Variants in ADGRV1 observed in about 807,000 individuals in gnomAD.
ADGRV1 encodes G-protein coupled receptor 98.
In ADGRV1, 359 loss-of-function variants were observed where a neutral mutation model predicts 596.2. The ratio of observed to expected loss-of-function variants is 0.60; its 90% CI spans 0.55 to 0.66. The LOEUF (loss-of-function observed/expected upper bound fraction) is 0.66. Among genes scored for constraint, ADGRV1 ranks in the 30% least tolerant of loss-of-function variants. The pLI, the probability that ADGRV1 is intolerant of heterozygous loss-of-function variation, is 0.00. For missense variants in ADGRV1, 7,274 were observed against 7,575.6 expected (o/e 0.96, Z 1.48); for synonymous variants, 2,681 against 2,679.2 (o/e 1.00, Z -0.02).
chr5:91,053,613 A>G (rs920264616), intron 85 of ADGRV1, among the ~76,000 whole-genome samples: 1 of 152,290 alleles, frequency 6.6e-6, no homozygotes, highest in Non-Finnish European at 1.5e-5. Context: ...AGACTGTCCA[A>G]TTCATTTTCA....
At chr5:90,945,854 TG>T (rs1282091550) in intron 83 of ADGRV1, among the ~76,000 whole-genome samples, 6 of 152,014 alleles carry the variant, frequency 3.9e-5, no homozygotes, top group African/African-American at 1.4e-4. Context: ...GGTGTGTGCC[TG>T]TAGTCCCAGC....
At position 90,818,548 on chromosome 5, in the gene ADGRV1, G is replaced by C. The variant is rs1581220023; in HGVS notation, c.16196+2812G>C. On this transcript the variant is annotated intron_variant, in intron 75 of 89. Transcript: ENST00000405460. The stretch of plus-strand genomic sequence containing the variant: ...CCCATTCAGTATGATATTGGCTGTG[G>C]GTTTGTCATAGATAGCTCTTATTAT... Among the ~76,000 whole-genome samples, 6 of 150,330 alleles carry C rather than the reference G, an allele frequency of 4.0e-5. 1 individual carries two copies. The highest frequency in any genetic ancestry group is 4.0e-4 in the Admixed American group (6 of 15,142).
intron 43 of ADGRV1, among the ~76,000 whole-genome samples, chr5:90,718,884 A>C (rs1443771604): frequency 3.3e-5 from 5 of 152,100 alleles, no homozygotes. Flanking sequence ...ATGTTAGAGC[A>C]AATTGGATTA....
intron 73 of ADGRV1, 150 bp from the exon 74 acceptor site, chr5:90,810,083 A>T: frequency 1.5e-6 from 1 of 652,726 alleles, no homozygotes; most frequent in Non-Finnish European, 2.5e-6. Flanking sequence ...ACATATCAAT[A>T]AATAGGGTTT....
intron 83 of ADGRV1, among the ~76,000 whole-genome samples, chr5:90,868,396 A>G (rs1446391789): frequency 1.3e-5 from 2 of 151,472 alleles, no homozygotes; most frequent in East Asian, 3.9e-4. Flanking sequence ...GATTTTTTTT[A>G]TTTCTTTTTT....
At chr5:90,853,649 A>G (rs1003250284) in intron 80 of ADGRV1, 116 bp downstream of exon 80, 10 of 880,924 alleles carry the variant, frequency 1.1e-5, no homozygotes, top group Non-Finnish European at 1.7e-5. Flanking sequence ...ATGGTGAACT[A>G]CTATGAAATG....
At chr5:90,561,234 G>T (rs566280438) in intron 1 of ADGRV1, among the ~76,000 whole-genome samples, 64 of 152,138 alleles carry the variant, frequency 4.2e-4, no homozygotes, top group Non-Finnish European at 7.5e-4. Context: ...ATCGTTCATT[G>T]TTCTGAAATT....
intron 1 of ADGRV1, among the ~76,000 whole-genome samples, chr5:90,578,398 G>C (rs942770960): frequency 5.3e-5 from 8 of 151,762 alleles, no homozygotes; most frequent in Non-Finnish European, 1.0e-4. Context: ...GGTTCTGTTT[G>C]TGTGATGGAT....
At chr5:90,756,321 T>C (rs1755824014) in intron 55 of ADGRV1, 133 bp from the exon 56 acceptor site, 5 of 564,982 alleles carry the variant, frequency 8.8e-6, no homozygotes, top group Non-Finnish European at 1.5e-5. Flanking sequence ...CAAGAATCTT[T>C]TTTATGTTTG....
chr5:90,989,575 CT>C (rs143129388), intron 85 of ADGRV1, among the ~76,000 whole-genome samples: 56,476 of 151,974 alleles, frequency 0.37, 10,603 homozygotes, highest in African/African-American at 0.43. Flanking sequence ...ACTTGTGCCC[CT>C]ATCTATAATT....
intron 61 of ADGRV1, among the ~76,000 whole-genome samples, chr5:90,777,375 G>A (rs1242639271): frequency 2.0e-5 from 3 of 152,100 alleles, no homozygotes; most frequent in African/African-American, 7.2e-5. Context: ...ACCATATCAG[G>A]GCCTATCATA....
intron 67 of ADGRV1, 35 bp from the exon 68 acceptor site, chr5:90,788,036 A>G (rs528325847): frequency 7.2e-6 from 11 of 1,531,940 alleles, no homozygotes; most frequent in Non-Finnish European, 9.7e-6. Context: ...ATTGATCTCT[A>G]TTAAAGAAAT....
intron 85 of ADGRV1, among the ~76,000 whole-genome samples, chr5:90,994,298 G>T (rs1222732248): frequency 6.6e-6 from 1 of 151,878 alleles, no homozygotes; most frequent in African/African-American, 2.4e-5. Context: ...CCTGACCTCA[G>T]GTGATCTGCC....
At chr5:91,032,263 C>T (rs2151232060) in intron 85 of ADGRV1, among the ~76,000 whole-genome samples, 1 of 152,228 alleles carries the variant, frequency 6.6e-6, no homozygotes, top group Middle Eastern at 3.4e-3. Flanking sequence ...AGAGAGAAGT[C>T]AGAATAGATA....
chr5:90,724,738 C>T, intron 45 of ADGRV1, 94 bp from the exon 46 acceptor site: 2 of 1,141,742 alleles, frequency 1.8e-6, no homozygotes, highest in Admixed American at 3.8e-5. Context: ...TTTGTAGTCA[C>T]AAATGCACTT....
chr5:90,956,608 C>A (rs770806542), intron 83 of ADGRV1, among the ~76,000 whole-genome samples: 4 of 152,110 alleles, frequency 2.6e-5, no homozygotes, highest in Non-Finnish European at 5.9e-5. Flanking sequence ...TTCAAATGAT[C>A]TTGATGTTTC....
In ADGRV1 at chr5:90,751,188, G is replaced by A. The variant is rs191255447; in HGVS notation, c.11121+491G>A. 2.5e-3 allele frequency among the ~76,000 whole-genome samples: 378 copies of A among 152,302 alleles called. 3 individuals are homozygous for A. The highest frequency in any genetic ancestry group is 8.5e-3 in the African/African-American group (355 of 41,564). ...GATTTTGGGGAGATACATCTATGAG[G>A]ATGTGAGGAAGGTGAGGATGTGCAG... On this transcript the variant is annotated intron_variant, in intron 53 of 89. Coordinates refer to ENST00000405460, the MANE Select transcript of ADGRV1 (RefSeq NM_032119.4).
chr5:90,746,806 C>T (rs1754679980), intron 52 of ADGRV1, among the ~76,000 whole-genome samples: 1 of 152,196 alleles, frequency 6.6e-6, no homozygotes, highest in Non-Finnish European at 1.5e-5. Context: ...AACAAGCCCA[C>T]TCACTCATTC....
At chr5:90,585,698 G>C (rs533441590) in intron 1 of ADGRV1, among the ~76,000 whole-genome samples, 6 of 152,190 alleles carry the variant, frequency 3.9e-5, no homozygotes, top group Non-Finnish European at 7.3e-5. Flanking sequence ...AATTGAAGGA[G>C]ATCTAGATTA....
Sources: gnomAD v4.1 joint callset for allele counts (sites outside exome capture counted in the v4.1 genomes callset) on GRCh38, gnomAD v4.1.1 for gene constraint, MANE v1.5 for transcripts, NCBI Gene and HGNC (gene_info 2026-07-23, HGNC 2026-07-21) for gene names.